The following DOCK3 variants were observed in gnomAD, a reference collection of about 807,000 sequenced individuals.
The protein encoded by DOCK3 is dedicator of cytokinesis 3, also known as dedicator of cytokinesis protein 3.
A neutral mutation model predicts 265.6 loss-of-function variants in DOCK3; 60 were observed. The ratio of observed to expected loss-of-function variants is 0.23; its 90% CI spans 0.18 to 0.28. The LOEUF (loss-of-function observed/expected upper bound fraction) is 0.28. Ranked by LOEUF, DOCK3 falls within the 10% of genes least tolerant of loss-of-function variation. The pLI is 1.00. For missense variants in DOCK3, 1,981 were observed against 2,594.3 expected, an observed-to-expected ratio of 0.76 and a Z score of 5.14; for synonymous variants, 881 against 938.0, an observed-to-expected ratio of 0.94 and a Z score of 1.11.
At chr3:51,272,721 A>G (rs894988167) in intron 24 of DOCK3, among the ~76,000 whole-genome samples, 1 of 152,042 alleles carries the variant, frequency 6.6e-6, no homozygotes, top group African/African-American at 2.4e-5. Context: ...AGCTGCCACC[A>G]AGAAAGTCAT....
chr3:51,356,993 A>T lies in DOCK3; in HGVS notation c.4535A>T (p.Gln1512Leu), dbSNP rs750895462. The change falls in exon 44 of 53, where the codon CAA (glutamine) becomes CTA (leucine). Residue 1512 changes from glutamine to leucine, a missense_variant. This residue lies in a region of DOCK3 where 1,357 missense variants were observed against 1,866.8 expected (regional missense o/e 0.73). Transcript: ENST00000266037. ...VEVSPLENAI[Q>L]VVENKNQELR... is the part of the protein sequence containing the mutation. ...GTGAGCCCTCTGGAGAATGCCATCC[A>T]AGTGGTTGAGAATAAGAACCAGGAG... 5 of 1,613,354 alleles carry T rather than the reference A, an allele frequency of 3.1e-6. No individual in the cohort carries two copies. In the South Asian group the frequency reaches 5.5e-5, roughly 18 times the overall value.
At chr3:50,849,786 T>C (rs1262589471) in intron 3 of DOCK3, among the ~76,000 whole-genome samples, 1 of 152,100 alleles carries the variant, frequency 6.6e-6, no homozygotes, top group African/African-American at 2.4e-5. Context: ...AGGATACAAT[T>C]AAAAGCATAC....
In DOCK3 at chr3:51,035,825, C is replaced by T. The variant is rs184201363; in HGVS notation, c.316-28623C>T. On this transcript the variant is annotated intron_variant, in intron 5 of 52. Transcript: ENST00000266037. Reference sequence around the variant, plus strand: ...CTCTAAACCCCTTGAAAACAAACTGCTTTCAGTTTGCTCTGTGCATGCATA... The same window carrying T: ...CTCTAAACCCCTTGAAAACAAACTGTTTTCAGTTTGCTCTGTGCATGCATA... Among the ~76,000 whole-genome samples, 5 of 152,228 alleles carry T rather than the reference C, an allele frequency of 3.3e-5. No homozygotes were observed. In the East Asian group the frequency reaches 9.6e-4, roughly 29 times the overall value.
intron 5 of DOCK3, among the ~76,000 whole-genome samples, chr3:51,061,011 G>C (rs1301240115): frequency 6.6e-6 from 1 of 152,118 alleles, no homozygotes; most frequent in African/African-American, 2.4e-5. Context: ...ACCACAATGA[G>C]ATACCATCTC....
chr3:50,845,600 C>T (rs2046041970), intron 3 of DOCK3, among the ~76,000 whole-genome samples: 1 of 151,966 alleles, frequency 6.6e-6, no homozygotes, highest in Non-Finnish European at 1.5e-5. Context: ...GAGTCATACG[C>T]CAAAGAAATC....
intron 3 of DOCK3, among the ~76,000 whole-genome samples, chr3:50,867,240 A>G (rs1054318076): frequency 1.6e-4 from 25 of 152,168 alleles, no homozygotes; most frequent in African/African-American, 6.0e-4. Flanking sequence ...CATTGTTGGC[A>G]TATAGAAATG....
intron 1 of DOCK3, among the ~76,000 whole-genome samples, chr3:50,725,557 A>G (rs1390457291): frequency 6.6e-6 from 1 of 152,178 alleles, no homozygotes; most frequent in African/African-American, 2.4e-5. Flanking sequence ...GGTATCCAAT[A>G]AAAAATAACC....
At chr3:51,016,699 A>ATATATATTATATGATATATATT (rs2079299961) in intron 5 of DOCK3, among the ~76,000 whole-genome samples, 1 of 95,738 alleles carries the variant, frequency 1.0e-5, no homozygotes, top group African/African-American at 4.4e-5. Context: ...TAATATATAA[A>ATATATATTATATGATATATATT]TATATATTAT....
At chr3:51,227,206 G>GA in intron 15 of DOCK3, 77 bp from the exon 16 acceptor site, 11 of 1,529,860 alleles carry the variant, frequency 7.2e-6, no homozygotes, top group Non-Finnish European at 9.7e-6. Context: ...ACAAGAGAAA[G>GA]AAAAGTGTCC....
chr3:51,361,620 G>A lies in DOCK3; in HGVS notation c.5007-239G>A, dbSNP rs557574935. On this transcript the variant is annotated intron_variant, in intron 47 of 52. Transcript: ENST00000266037. This position sits in a 1 kb window ranked among gnomAD's most constrained non-coding sequence, Gnocchi z 4.2. ...CTGAGTGGCCATAAGCCATGTAGCT[G>A]TAGGTAGAGGCTTGTCCAGTGTACC... Among the ~76,000 whole-genome samples, 171 of 152,302 alleles carry A rather than the reference G, an allele frequency of 1.1e-3. No individual in the cohort carries two copies. The highest frequency in any genetic ancestry group is 4.1e-3 in the African/African-American group (169 of 41,564).
chr3:51,182,217 G>A (rs1404934565), intron 12 of DOCK3, among the ~76,000 whole-genome samples: 4 of 152,166 alleles, frequency 2.6e-5, no homozygotes, highest in South Asian at 2.1e-4. Flanking sequence ...GTATGACCTC[G>A]GGCAAGGGTT....
chr3:51,059,455 C>CCACA (rs57596003), intron 5 of DOCK3, among the ~76,000 whole-genome samples: 98 of 140,714 alleles, frequency 7.0e-4, no homozygotes, highest in East Asian at 1.7e-3. Flanking sequence ...AGAAAAAAAA[C>CCACA]CACACACACA....
Position 51,260,196 on chromosome 3 carries a change from T to C in DOCK3, c.2225T>C (p.Ile742Thr). The C allele has an allele frequency of 6.2e-7, 1 of 1,613,926 alleles. No homozygotes were observed. The highest frequency in any genetic ancestry group is 1.1e-5 in the South Asian group (1 of 91,052). ...TTCAAGTTCATTGTACAGTCACGGATCCTGTACTCACGAGCCACTTGTGGA... is the reference window on the plus strand; with the variant it reads ...TTCAAGTTCATTGTACAGTCACGGACCCTGTACTCACGAGCCACTTGTGGA... ...YLFKFIVQSR[I>T]LYSRATCGME... Residue 742 changes from isoleucine to threonine, a missense_variant, in exon 23 of 53, where the codon ATC (isoleucine) becomes ACC (threonine). Physicochemically the swap from Ile to Thr is moderately conservative, Grantham distance 89. Around this residue, in one of 4 missense-constraint regions of DOCK3, gnomAD observed 1,357 missense variants for 1,866.8 expected, o/e 0.73. Transcript: ENST00000266037.
intron 38 of DOCK3, among the ~76,000 whole-genome samples, chr3:51,346,771 C>G (rs1402542854): frequency 6.6e-6 from 1 of 152,202 alleles, no homozygotes; most frequent in African/African-American, 2.4e-5. Flanking sequence ...TAAAAGTGTT[C>G]CTACTTCTCC....
intron 1 of DOCK3, among the ~76,000 whole-genome samples, chr3:50,721,426 C>T (rs2037468272): frequency 6.6e-6 from 1 of 152,192 alleles, no homozygotes; most frequent in African/African-American, 2.4e-5. Context: ...GTTATCCCAG[C>T]ACCATTTATT....
intron 1 of DOCK3, among the ~76,000 whole-genome samples, chr3:50,751,588 C>A (rs1157692197): frequency 1.3e-5 from 2 of 152,166 alleles, no homozygotes; most frequent in African/African-American, 4.8e-5. Context: ...CCCATCTGAT[C>A]TTATTATGAT....
intron 4 of DOCK3, chr3:50,898,659 A>G (rs928027134): frequency 1.3e-5 from 2 of 152,148 alleles, no homozygotes; most frequent in Non-Finnish European, 2.9e-5. Context: ...AATGTGTCCC[A>G]GAGATTCTGG....
rs201593616 is a variant in DOCK3, at chr3:51,312,586, A to G, written c.3194+10A>G. ...AGAAGATTCTAGATAAGTAAGATAA[A>G]CGTCTTATATTCATCTCCTTACCAC... is the stretch of plus-strand genomic sequence containing the variant. On this transcript the variant is annotated intron_variant, in intron 30 of 52. Coordinates refer to ENST00000266037, the MANE Select transcript of DOCK3 (RefSeq NM_004947.5). 3.2e-4 allele frequency: 508 copies of G among 1,572,238 alleles called. 1 individual carries two copies. Among genetic ancestry groups the G allele is most frequent in the Non-Finnish European group, 4.2e-4 (490 of 1,165,294 alleles).
chr3:51,250,818 A>T lies in DOCK3; in HGVS notation c.2184+4011A>T, dbSNP rs1002068507. 4.6e-5 allele frequency among the ~76,000 whole-genome samples: 7 copies of T among 152,168 alleles called. No homozygotes were observed. In the South Asian group the frequency reaches 1.4e-3, roughly 32 times the overall value. Reference sequence around the variant, plus strand: ...CCAGACTGAGGAAACAGAATATTTAAAAGCCTAGATGGGAAAGGGCTTGGG... The same window carrying T: ...CCAGACTGAGGAAACAGAATATTTATAAGCCTAGATGGGAAAGGGCTTGGG... On this transcript the variant is annotated intron_variant, in intron 22 of 52. Coordinates refer to ENST00000266037, the MANE Select transcript of DOCK3 (RefSeq NM_004947.5).
Sources: allele counts gnomAD v4.1 joint callset (sites outside exome capture counted in the v4.1 genomes callset), GRCh38; gene constraint gnomAD v4.1.1; regional missense constraint gnomAD v4.1.1; non-coding constraint Gnocchi (gnomAD v3.1); transcripts MANE v1.5; gene names NCBI Gene and HGNC (gene_info 2026-07-23, HGNC 2026-07-21).